ARNT: variants seen among roughly 807,000 people sequenced by gnomAD.
ARNT encodes class E basic helix-loop-helix protein 2.
In ARNT, 30 loss-of-function variants were observed where a neutral mutation model predicts 105.0. The observed-to-expected ratio is 0.29, with a 90% CI of 0.21 to 0.39. The LOEUF is 0.39. Ranked by LOEUF, ARNT falls within the 10% of genes least tolerant of loss-of-function variation. ARNT has a pLI of 1.00. For missense variants in ARNT, 748 were observed against 978.7 expected, an observed-to-expected ratio of 0.76 and a Z score of 3.15; for synonymous variants, 304 against 344.0, an observed-to-expected ratio of 0.88 and a Z score of 1.29.
rs10305696 is a variant in ARNT at position 150,836,132 on chromosome 1, A to G, written c.700+148T>C. On this transcript the variant is annotated intron_variant, in intron 7 of 21. Coordinates refer to ENST00000358595, the MANE Select transcript of ARNT (RefSeq NM_001668.4). ...CAAAGTAGATAATCTCATATGGATA[A>G]AAAGAACTGACTATATTCATTAAAG... The G allele has an allele frequency of 3.2e-4, 214 of 669,092 alleles. 1 individual carries two copies. The African/African-American group carries it at 3.7e-3, about 12-fold the overall frequency. The allele number at this position is 669,092 out of a possible 1,614,324, so 41.4% of individuals were successfully genotyped here. A position where few individuals can be genotyped will look rare whatever the true frequency, so the allele number is the denominator to read the frequency against.
At chr1:150,867,815 A>G (rs940860508) in intron 1 of ARNT, among the ~76,000 whole-genome samples, 7 of 151,964 alleles carry the variant, frequency 4.6e-5, no homozygotes, top group Non-Finnish European at 8.8e-5. Flanking sequence ...TGGTTGTTTG[A>G]AAGTGTGTAG....
At chr1:150,872,394 A>T (rs749130969) in intron 1 of ARNT, among the ~76,000 whole-genome samples, 1 of 152,220 alleles carries the variant, frequency 6.6e-6, no homozygotes, top group African/African-American at 2.4e-5. Context: ...AAAATTAGCT[A>T]AAAAAAATTT....
Position 150,831,879 on chromosome 1 carries a change from A to G in ARNT, c.894T>C (p.Asp298=). Residue 298 remains aspartate (D), a synonymous_variant, in exon 10 of 22, where the codon GAT becomes GAC. Coordinates refer to ENST00000358595, the MANE Select transcript of ARNT (RefSeq NM_001668.4). ...RCRNGLGSVK[D]GEPHFVVVHC... is the part of the protein sequence containing the mutation. ...GGACCACCACGAAGTGAGGTTCCCCATCCTTTACAGAGCCAAGTCCATTCC... is the reference window on the plus strand; with the variant it reads ...GGACCACCACGAAGTGAGGTTCCCCGTCCTTTACAGAGCCAAGTCCATTCC... 3 of 1,593,826 alleles carry G rather than the reference A, an allele frequency of 1.9e-6. No homozygotes were observed. The highest frequency in any genetic ancestry group is 1.2e-5 in the South Asian group (1 of 86,938).
intron 2 of ARNT, among the ~76,000 whole-genome samples, chr1:150,856,381 A>G (rs898546621): frequency 6.6e-6 from 1 of 152,146 alleles, no homozygotes; most frequent in Non-Finnish European, 1.5e-5. Context: ...TGGAGGTTAC[A>G]GTGAGCTGAG....
intron 13 of ARNT, among the ~76,000 whole-genome samples, chr1:150,823,727 T>C (rs1460902444): frequency 2.0e-5 from 3 of 151,664 alleles, no homozygotes; most frequent in Non-Finnish European, 2.9e-5. Context: ...ATTTTTTGTA[T>C]TTTTAGTAGA....
At chr1:150,822,096 T>TA (rs1657227124) in intron 14 of ARNT, among the ~76,000 whole-genome samples, 1 of 152,158 alleles carries the variant, frequency 6.6e-6, no homozygotes, top group Admixed American at 6.5e-5. Flanking sequence ...ATGACATGGC[T>TA]AACTTTTTCT....
intron 1 of ARNT, among the ~76,000 whole-genome samples, chr1:150,863,099 G>A (rs1431984350): frequency 2.0e-5 from 3 of 149,956 alleles, no homozygotes; most frequent in Admixed American, 6.7e-5. Flanking sequence ...CACGGTGGCT[G>A]ATGCCTGTAA....
chr1:150,831,924 T>TAA, intron 9 of ARNT, 21 bp from the exon 10 acceptor site: 3 of 1,368,310 alleles, frequency 2.2e-6, no homozygotes, highest in South Asian at 1.3e-5. Context: ...TACAGGAGTT[T>TAA]GAAAAAAAAA....
intron 19 of ARNT, among the ~76,000 whole-genome samples, chr1:150,815,863 C>CAAAA (rs35003478): frequency 8.2e-6 from 1 of 122,000 alleles, no homozygotes; most frequent in Non-Finnish European, 1.7e-5. Flanking sequence ...GACTCTGTCT[C>CAAAA]AAAAAAAAAA....
At chr1:150,868,415 C>A (rs924926213) in intron 1 of ARNT, among the ~76,000 whole-genome samples, 27 of 152,136 alleles carry the variant, frequency 1.8e-4, no homozygotes, top group Admixed American at 1.8e-3. Context: ...AAAGAAGGAA[C>A]AATCAGTGAT....
At chr1:150,870,078 G>A (rs1571536053) in intron 1 of ARNT, among the ~76,000 whole-genome samples, 2 of 152,270 alleles carry the variant, frequency 1.3e-5, no homozygotes, top group South Asian at 4.1e-4. Flanking sequence ...GATTAAGAAT[G>A]ATGACTGTGT....
At chr1:150,817,276 A>C in intron 16 of ARNT, 74 bp from the exon 17 acceptor site, 1 of 1,611,252 alleles carries the variant, frequency 6.2e-7, no homozygotes, top group South Asian at 1.1e-5. Context: ...ATTCATATAC[A>C]ACATATGTAC....
chr1:150,862,408 A>G (rs1234006121), intron 1 of ARNT, among the ~76,000 whole-genome samples: 1 of 152,148 alleles, frequency 6.6e-6, no homozygotes, highest in Non-Finnish European at 1.5e-5. Flanking sequence ...TGTTTTGGGA[A>G]TCCTTCAAAT....
intron 14 of ARNT, 106 bp from the exon 15 acceptor site, chr1:150,818,136 T>C: frequency 1.3e-6 from 1 of 743,770 alleles, no homozygotes; most frequent in Non-Finnish European, 2.2e-6. Flanking sequence ...TATAGATTCA[T>C]CTGTAGGTGG....
intron 14 of ARNT, among the ~76,000 whole-genome samples, chr1:150,822,756 G>A (rs945627466): frequency 2.0e-5 from 3 of 152,150 alleles, no homozygotes; most frequent in Admixed American, 2.0e-4. Context: ...AGATGCACAG[G>A]TAAAACAACC....
intron 12 of ARNT, 150 bp downstream of exon 12, chr1:150,828,943 C>T (rs890195001): frequency 7.6e-6 from 7 of 924,326 alleles, no homozygotes; most frequent in Non-Finnish European, 1.1e-5. Flanking sequence ...TAATAGGAAG[C>T]TGAAAATAAT....
chr1:150,870,653 A>G (rs1242095539), intron 1 of ARNT, among the ~76,000 whole-genome samples: 1 of 151,910 alleles, frequency 6.6e-6, no homozygotes. Flanking sequence ...GACTACAGGG[A>G]ATGCTACCAC....
intron 15 of ARNT, 82 bp downstream of exon 15, chr1:150,817,837 CA>C: frequency 9.0e-7 from 1 of 1,106,510 alleles, no homozygotes; most frequent in Non-Finnish European, 1.3e-6. Context: ...AAAAATTAAC[CA>C]ACCGAACAAA....
intron 12 of ARNT, among the ~76,000 whole-genome samples, chr1:150,828,720 A>G (rs1407557060): frequency 6.6e-6 from 1 of 152,180 alleles, no homozygotes; most frequent in African/African-American, 2.4e-5. Flanking sequence ...GTAAATTATA[A>G]TAACTGGTGC....
Sources: allele counts gnomAD v4.1 joint callset (sites outside exome capture counted in the v4.1 genomes callset), GRCh38; gene constraint gnomAD v4.1.1; transcripts MANE v1.5; gene names NCBI Gene and HGNC (gene_info 2026-07-23, HGNC 2026-07-21).